ZNF567: variants seen among roughly 807,000 people sequenced by gnomAD.
ZNF567 encodes zinc finger protein 567.
ZNF567 carries 36 observed loss-of-function variants against 53.9 expected under a neutral mutation model. The observed-to-expected ratio is 0.67, with a 90% CI of 0.51 to 0.88. ZNF567 has a LOEUF of 0.88. ZNF567 is among the 40% of genes least tolerant of loss of function. ZNF567 has a pLI of 0.00. For synonymous variants in ZNF567, 224 were observed against 260.4 expected, an observed-to-expected ratio of 0.86 and a Z score of 1.35; for missense variants, 619 against 764.7, an observed-to-expected ratio of 0.81 and a Z score of 2.25.
chr19:36,713,429 G>A lies in ZNF567; in HGVS notation c.223+562G>A, dbSNP rs546202466. Among the ~76,000 whole-genome samples, 21 of 150,524 alleles carry A rather than the reference G, an allele frequency of 1.4e-4. No individual in the cohort carries two copies. In the South Asian group the frequency reaches 4.4e-3, roughly 31 times the overall value. On this transcript the variant is annotated intron_variant, in intron 5 of 5. Coordinates refer to ENST00000682579, the MANE Select transcript of ZNF567 (RefSeq NM_001322917.1). ...CTGTGATTGCACCACTCCAACCTGG[G>A]AGACAGAGCAAGAGCCTGTCTCAAA...
chr19:36,683,244 G>A (rs2038214368), upstream of ZNF567, among the ~76,000 whole-genome samples: 1 of 151,792 alleles, frequency 6.6e-6, no homozygotes, highest in Non-Finnish European at 1.5e-5. Flanking sequence ...CTAATTTTTT[G>A]TATTTTTAGT....
downstream of ZNF567, among the ~76,000 whole-genome samples, chr19:36,725,422 C>G (rs1426343128): frequency 6.6e-6 from 1 of 152,100 alleles, no homozygotes; most frequent in East Asian, 1.9e-4. Context: ...AGGCTGGTCT[C>G]AAACTCCTGA....
At chr19:36,717,608 T>C (rs1049379684) in intron 5 of ZNF567, among the ~76,000 whole-genome samples, 44 of 152,230 alleles carry the variant, frequency 2.9e-4, no homozygotes, top group African/African-American at 1.1e-3. Context: ...AAATTCCTTG[T>C]ATATGTTAGA....
At chr19:36,667,427 G>A in the ZNF567 span, among the ~76,000 whole-genome samples, 1 of 151,778 alleles carries the variant, frequency 6.6e-6, no homozygotes, top group Non-Finnish European at 1.5e-5. Context: ...GCTTGAACCC[G>A]GGAGGCAGAG....
intron 3 of ZNF567, among the ~76,000 whole-genome samples, chr19:36,699,279 A>G (rs2039051529): frequency 6.6e-6 from 1 of 152,102 alleles, no homozygotes; most frequent in Non-Finnish European, 1.5e-5. Flanking sequence ...CCATTGATCT[A>G]TATCTCTGTT....
chr19:36,679,520 G>A, the ZNF567 span, among the ~76,000 whole-genome samples: 4 of 152,288 alleles, frequency 2.6e-5, no homozygotes, highest in East Asian at 7.7e-4. Flanking sequence ...TGTCAAAGAT[G>A]TCTGCACTCC....
intron 5 of ZNF567, chr19:36,714,398 G>C (rs2039942683): frequency 5.1e-6 from 2 of 394,810 alleles, no homozygotes; most frequent in Non-Finnish European, 8.9e-6. Context: ...TCCTGACCTT[G>C]TGATCTGCCC....
At chr19:36,667,385 C>T in the ZNF567 span, among the ~76,000 whole-genome samples, 1 of 151,556 alleles carries the variant, frequency 6.6e-6, no homozygotes, top group Non-Finnish European at 1.5e-5. Flanking sequence ...GCCTGTAATC[C>T]CAGCTACTCG....
rs2038796035 is a variant in ZNF567 at position 36,694,846 on chromosome 19, A to G, written c.-22A>G. The G allele has an allele frequency of 6.6e-7, 1 of 1,523,628 alleles. No homozygotes were observed. Among genetic ancestry groups the G allele is most frequent in the Non-Finnish European group, 8.7e-7 (1 of 1,143,718 alleles). 94.4% of individuals were successfully genotyped at this position (1,523,628 alleles called of 1,614,324 possible). ...GAGGACTCCAAAGGAAGGACTGGTCATCTCTTTCATATCTCAAAACCATGG... is the reference window on the plus strand; with the variant it reads ...GAGGACTCCAAAGGAAGGACTGGTCGTCTCTTTCATATCTCAAAACCATGG... On this transcript the variant is annotated 5_prime_UTR_variant, in exon 3 of 6. Transcript: ENST00000682579.
intron 2 of ZNF567, among the ~76,000 whole-genome samples, chr19:36,691,837 A>G (rs1600495488): frequency 6.6e-6 from 1 of 152,332 alleles, no homozygotes; most frequent in Non-Finnish European, 1.5e-5. Flanking sequence ...TTGCAGAGAC[A>G]GAGTCTCACT....
downstream of ZNF567, among the ~76,000 whole-genome samples, chr19:36,724,842 C>T (rs371059703): frequency 9.3e-5 from 14 of 151,094 alleles, no homozygotes; most frequent in East Asian, 1.9e-4. Context: ...AGTAAGACTC[C>T]GTCTCAAAAA....
downstream of ZNF567, among the ~76,000 whole-genome samples, chr19:36,721,732 C>CTTTTT (rs756276834): frequency 8.2e-6 from 1 of 121,654 alleles, no homozygotes; most frequent in Admixed American, 1.0e-4. Context: ...GTACCAGAGT[C>CTTTTT]TTTTTTTTTT....
chr19:36,720,566 G>A lies in ZNF567; in HGVS notation c.1842G>A (p.Glu614=), dbSNP rs2040266569. ...LIVHQRTHTG[E]KPYVCNECGK... ...TACATCAGAGAACTCACACAGGTGAGAAACCCTATGTTTGTAATGAGTGTG... is the reference window on the plus strand; with the variant it reads ...TACATCAGAGAACTCACACAGGTGAAAAACCCTATGTTTGTAATGAGTGTG... The change falls in exon 6 of 6, where the codon GAG becomes GAA. Residue 614 remains glutamate (E), a synonymous_variant. Coordinates refer to ENST00000682579, the MANE Select transcript of ZNF567 (RefSeq NM_001322917.1). 2 of 1,613,852 alleles carry A rather than the reference G, an allele frequency of 1.2e-6. No individual in the cohort carries two copies. The highest frequency in any genetic ancestry group is 2.2e-5 in the South Asian group (2 of 90,954).
chr19:36,697,360 A>AT (rs912642631), intron 3 of ZNF567, among the ~76,000 whole-genome samples: 54 of 149,350 alleles, frequency 3.6e-4, no homozygotes, highest in East Asian at 1.2e-3. Flanking sequence ...TATTCTAGTA[A>AT]TTTTTTTTTT....
In ZNF567 at chr19:36,719,604, TC is replaced by T; in HGVS notation, c.881del (p.Ser294TyrfsTer55). The T allele has an allele frequency of 1.2e-6, 2 of 1,614,106 alleles. No individual in the cohort carries two copies. The highest frequency in any genetic ancestry group is 1.7e-6 in the Non-Finnish European group (2 of 1,180,018). ...ATGTGGAAATGCATTTAGAAGGAAA[TC>T]ATATCTCATTGATCATCAGAGAACT... Reference protein sequence around the residue: ...HQCGNAFRRKSYLIDHQRTHT... With the variant: ...HQCGNAFRRKXYLIDHQRTHT... On this transcript the variant is annotated frameshift_variant, in exon 6 of 6. Transcript: ENST00000682579. LOFTEE classifies it high-confidence loss of function.
In ZNF567 at chr19:36,719,283, AGT is replaced by A; in HGVS notation, c.561_562del (p.Ala188GlnfsTer6). The A allele has an allele frequency of 6.2e-7, 1 of 1,614,084 alleles. No individual in the cohort carries two copies. Among genetic ancestry groups the A allele is most frequent in the South Asian group, 1.1e-5 (1 of 91,060 alleles). On this transcript the variant is annotated frameshift_variant, in exon 6 of 6. Coordinates refer to ENST00000682579, the MANE Select transcript of ZNF567 (RefSeq NM_001322917.1). LOFTEE classifies it high-confidence loss of function. ...TCCTGAAGTCAAATCCCATAATCAA[AGT>A]GCCAGAGCTTTCAGTCATAATGAAG... Reference protein sequence around the residue: ...THPEVKSHNQSARAFSHNEVL... With the variant: ...THPEVKSHNQXARAFSHNEVL...
At chr19:36,724,390 C>T (rs183812408), downstream of ZNF567, among the ~76,000 whole-genome samples, 4 of 151,766 alleles carry the variant, frequency 2.6e-5, no homozygotes, top group Non-Finnish European at 5.9e-5. Context: ...CAAAAAGGTT[C>T]AGATTTCTCA....
chr19:36,689,236 AGTGTGTGTGTGTGTGT>A (rs59984347), intron 1 of ZNF567, among the ~76,000 whole-genome samples, 145 bp from the exon 2 acceptor site: 34 of 138,966 alleles, frequency 2.4e-4, no homozygotes, highest in African/African-American at 6.8e-4. Context: ...CCTATTTGAG[AGTGTGTGTGTGTGTGT>A]GTGTGTGTGT....
chr19:36,692,295 C>T (rs1466507776), intron 2 of ZNF567, among the ~76,000 whole-genome samples: 1 of 152,166 alleles, frequency 6.6e-6, no homozygotes, highest in African/African-American at 2.4e-5. Context: ...ATGGTAAAAA[C>T]ACGCACATAA....
Sources: gnomAD v4.1 joint callset for allele counts (sites outside exome capture counted in the v4.1 genomes callset) on GRCh38, gnomAD v4.1.1 for gene constraint, MANE v1.5 for transcripts, NCBI Gene and HGNC (gene_info 2026-07-23, HGNC 2026-07-21) for gene names.